CMC1: variants seen among roughly 807,000 people sequenced by gnomAD.
The protein encoded by CMC1 is C-X9-C motif containing 1.
CMC1 carries 14 observed loss-of-function variants against 14.1 expected under a neutral mutation model. That is an observed-to-expected ratio of 0.99 (90% CI 0.66 to 1.55). The LOEUF is 1.55. Ranked by LOEUF, CMC1 falls within the 40% of genes most tolerant of loss-of-function variation. CMC1 has a pLI of 0.00. For missense variants in CMC1, 127 were observed against 123.8 expected (o/e 1.03, Z -0.12); for synonymous variants, 50 against 38.4 (o/e 1.30, Z -1.12).
chr3:28,261,889 T>A (rs1376109800), intron 1 of CMC1, among the ~76,000 whole-genome samples: 1 of 152,202 alleles, frequency 6.6e-6, no homozygotes, highest in African/African-American at 2.4e-5. Flanking sequence ...ATTTTCAATC[T>A]GCATTTGGTT....
At chr3:28,277,134 T>A (rs1237061672) in intron 2 of CMC1, among the ~76,000 whole-genome samples, 1 of 152,170 alleles carries the variant, frequency 6.6e-6, no homozygotes, top group Non-Finnish European at 1.5e-5. Context: ...ATCAGCAGTT[T>A]TAAAGAATAA....
At chr3:28,278,761 A>C (rs1362476004) in intron 2 of CMC1, among the ~76,000 whole-genome samples, 1 of 152,244 alleles carries the variant, frequency 6.6e-6, no homozygotes, top group Admixed American at 6.5e-5. Context: ...ACTTGTTAAT[A>C]TAGCAGGACC....
intron 1 of CMC1, among the ~76,000 whole-genome samples, chr3:28,242,064 C>CT (rs1262200701): frequency 6.6e-6 from 1 of 152,220 alleles, no homozygotes; most frequent in Non-Finnish European, 1.5e-5. Flanking sequence ...CTTAACGCGA[C>CT]TAGTCTCTTC....
chr3:28,263,471 A>G, intron 2 of CMC1, 91 bp downstream of exon 2: 1 of 779,846 alleles, frequency 1.3e-6, no homozygotes, highest in South Asian at 1.9e-5. Flanking sequence ...GTAGTCAATG[A>G]ATTAATATGT....
At chr3:28,291,467 ATATT>A (rs1326481075) in intron 2 of CMC1, among the ~76,000 whole-genome samples, 4 of 152,094 alleles carry the variant, frequency 2.6e-5, no homozygotes, top group Non-Finnish European at 2.9e-5. Context: ...TGTTTCTAAT[ATATT>A]TATTAGCACT....
intron 1 of CMC1, among the ~76,000 whole-genome samples, chr3:28,251,201 C>G (rs1030626058): frequency 4.6e-5 from 7 of 152,138 alleles, no homozygotes; most frequent in Non-Finnish European, 1.0e-4. Flanking sequence ...AACATTTATG[C>G]TGTGTCAGAA....
intron 2 of CMC1, chr3:28,298,315 A>C (rs1701849705): frequency 1.3e-5 from 2 of 151,824 alleles, no homozygotes; most frequent in South Asian, 4.2e-4. Context: ...CTGTGAAGGG[A>C]TATATACCTA....
chr3:28,243,851 C>T (rs1309949361), intron 1 of CMC1, among the ~76,000 whole-genome samples: 3 of 152,164 alleles, frequency 2.0e-5, no homozygotes, highest in Non-Finnish European at 4.4e-5. Context: ...TACACACACA[C>T]ATTTTTACAG....
intron 2 of CMC1, among the ~76,000 whole-genome samples, chr3:28,306,483 A>T (rs1702313097): frequency 6.6e-6 from 1 of 151,900 alleles, no homozygotes; most frequent in Non-Finnish European, 1.5e-5. Flanking sequence ...CTCAGCTTGA[A>T]CGTTACTGGT....
intron 1 of CMC1, among the ~76,000 whole-genome samples, chr3:28,252,508 AT>A (rs1303317306): frequency 6.6e-6 from 1 of 152,096 alleles, no homozygotes; most frequent in East Asian, 1.9e-4. Context: ...TTTTAAAAAT[AT>A]TTTTTTCCCG....
At chr3:28,251,258 C>T (rs778528544) in intron 1 of CMC1, among the ~76,000 whole-genome samples, 5 of 152,050 alleles carry the variant, frequency 3.3e-5, no homozygotes, top group Non-Finnish European at 5.9e-5. Flanking sequence ...TGAAGAGGGA[C>T]CAAACGTGAG....
At chr3:28,255,241 C>CTT (rs61315525) in intron 1 of CMC1, among the ~76,000 whole-genome samples, 69 of 133,136 alleles carry the variant, frequency 5.2e-4, no homozygotes, top group Non-Finnish European at 8.0e-4. Context: ...TTTGTTTCCT[C>CTT]TTTTTTTTTT....
chr3:28,292,694 T>C (rs922980984), intron 2 of CMC1: 1 of 152,150 alleles, frequency 6.6e-6, no homozygotes, highest in Non-Finnish European at 1.5e-5. Context: ...TACATTATGG[T>C]TTTTAAAAAG....
rs563813887 is a variant in CMC1, at chr3:28,319,911, C to T, written c.*282C>T. The T allele has an allele frequency of 2.4e-5, 5 of 204,422 alleles. No individual in the cohort carries two copies. Among genetic ancestry groups the T allele is most frequent in the Non-Finnish European group, 4.9e-5 (5 of 102,642 alleles). 12.7% of individuals were successfully genotyped at this position (204,422 alleles called of 1,614,324 possible). On this transcript the variant is annotated 3_prime_UTR_variant, in exon 4 of 4. Coordinates refer to ENST00000466830, the MANE Select transcript of CMC1 (RefSeq NM_182523.2). ...CTGATTTTTTAGAGTTCAATATGGT[C>T]CTTATATTATTTTTTTCCAGTGTAT...
chr3:28,297,281 A>C (rs1701783876), intron 2 of CMC1: 1 of 152,050 alleles, frequency 6.6e-6, no homozygotes, highest in African/African-American at 2.4e-5. Context: ...ACTGATCCAT[A>C]AGACAATCAG....
At chr3:28,283,545 CAAA>C (rs1196041451) in intron 2 of CMC1, among the ~76,000 whole-genome samples, 731 of 62,356 alleles carry the variant, frequency 0.012, 7 homozygotes, top group African/African-American at 0.039. Context: ...ACAACAACAA[CAAA>C]AACAAAAAAA....
At chr3:28,263,988 A>G (rs1261471522) in intron 2 of CMC1, among the ~76,000 whole-genome samples, 1 of 152,174 alleles carries the variant, frequency 6.6e-6, no homozygotes, top group Non-Finnish European at 1.5e-5. Context: ...ATTAATATGT[A>G]ATATTCTAGT....
At chr3:28,283,709 C>G (rs1485013008) in intron 2 of CMC1, among the ~76,000 whole-genome samples, 1 of 152,102 alleles carries the variant, frequency 6.6e-6, no homozygotes, top group Non-Finnish European at 1.5e-5. Flanking sequence ...AGATGATATG[C>G]CTTTATGGTG....
In CMC1 at chr3:28,255,241, C is replaced by T. The variant is rs1576983662; in HGVS notation, c.20-8050C>T. Reference sequence around the variant, plus strand: ...TTCTCAGTGCTTTGTTTTGTTTCCTCTTTTTTTTTTTTTTTTTGAGACAGA... The same window carrying T: ...TTCTCAGTGCTTTGTTTTGTTTCCTTTTTTTTTTTTTTTTTTTGAGACAGA... On this transcript the variant is annotated intron_variant, in intron 1 of 3. Transcript: ENST00000466830. Among the ~76,000 whole-genome samples the T allele has an allele frequency of 3.8e-5, 5 of 133,148 alleles. No homozygotes were observed. The South Asian group carries it at 7.3e-4, about 20-fold the overall frequency. 87.4% of individuals were successfully genotyped at this position (133,148 alleles called of 152,430 possible). A position where few individuals can be genotyped will look rare whatever the true frequency, so the allele number is the denominator to read the frequency against.
Sources: gnomAD v4.1 joint callset for allele counts (sites outside exome capture counted in the v4.1 genomes callset) on GRCh38, gnomAD v4.1.1 for gene constraint, MANE v1.5 for transcripts, NCBI Gene and HGNC (gene_info 2026-07-23, HGNC 2026-07-21) for gene names.